KSR2: variants seen among roughly 807,000 people sequenced by gnomAD.
KSR2 encodes kinase suppressor of ras 2.
A neutral mutation model predicts 107.8 loss-of-function variants in KSR2; 25 were observed. The ratio of observed to expected loss-of-function variants is 0.23; its 90% CI spans 0.17 to 0.32. KSR2 has a LOEUF of 0.32. Ranked by LOEUF, KSR2 falls within the 10% of genes least tolerant of loss-of-function variation. KSR2 has a pLI of 1.00. For missense variants in KSR2, 887 were observed against 1,268.9 expected (o/e 0.70, Z 4.57); for synonymous variants, 480 against 507.0 (o/e 0.95, Z 0.71).
chr12:117,605,131 A>G (rs767277973), intron 5 of KSR2, among the ~76,000 whole-genome samples: 24 of 151,828 alleles, frequency 1.6e-4, no homozygotes, highest in Non-Finnish European at 3.2e-4. Context: ...CTCTCAGGGG[A>G]TTTTGGCCTC....
At chr12:117,712,389 C>T (rs1034039515) in intron 4 of KSR2, among the ~76,000 whole-genome samples, 11 of 152,266 alleles carry the variant, frequency 7.2e-5, no homozygotes, top group African/African-American at 2.6e-4. Flanking sequence ...AAAGACCACA[C>T]GTAGGAACAA....
chr12:117,485,570 T>C, intron 15 of KSR2, 25 bp downstream of exon 15: 1 of 1,582,972 alleles, frequency 6.3e-7, no homozygotes, highest in African/African-American at 1.3e-5. Context: ...GAGATTTAGA[T>C]AGGAGGCCCA....
rs1417050538 is a variant in KSR2, at chr12:117,558,488, T to C, written c.1393+18A>G. ...CACCTCACCCCTGCCCCTAGGGCAG[T>C]AAGTGTTAAATAGTTACCTCCTCGG... On this transcript the variant is annotated intron_variant, in intron 8 of 19. Coordinates refer to ENST00000339824, the MANE Select transcript of KSR2 (RefSeq NM_173598.6). The C allele has an allele frequency of 3.9e-5, 63 of 1,611,638 alleles. 1 individual carries two copies. The highest frequency in any genetic ancestry group is 5.3e-5 in the Non-Finnish European group (62 of 1,177,852).
intron 1 of KSR2, among the ~76,000 whole-genome samples, chr12:117,925,573 A>G (rs142157837): frequency 6.6e-6 from 1 of 152,336 alleles, no homozygotes; most frequent in African/African-American, 2.4e-5. Flanking sequence ...AGACAGTGGT[A>G]TTTTACATAA....
At chr12:117,859,638 G>T (rs1893221169) in intron 2 of KSR2, among the ~76,000 whole-genome samples, 2 of 151,440 alleles carry the variant, frequency 1.3e-5, no homozygotes, top group Admixed American at 1.3e-4. Context: ...TGTATTTTTT[G>T]TAGAGATGGA....
At chr12:117,851,371 T>C (rs1176024590) in intron 3 of KSR2, among the ~76,000 whole-genome samples, 2 of 152,152 alleles carry the variant, frequency 1.3e-5, no homozygotes, top group Non-Finnish European at 2.9e-5. Context: ...GGAGGACTGC[T>C]TGAACCCAGG....
At chr12:117,565,082 G>C (rs1878382789) in intron 7 of KSR2, among the ~76,000 whole-genome samples, 1 of 152,154 alleles carries the variant, frequency 6.6e-6, no homozygotes, top group African/African-American at 2.4e-5. Flanking sequence ...TTTCTTGAAA[G>C]ATGTGTCATG....
At chr12:117,727,667 T>A (rs924156876) in intron 4 of KSR2, among the ~76,000 whole-genome samples, 1 of 151,946 alleles carries the variant, frequency 6.6e-6, no homozygotes, top group Non-Finnish European at 1.5e-5. Context: ...CAAGGAAGGA[T>A]CTCCCCTATA....
chr12:117,632,937 T>C (rs779707530), intron 5 of KSR2, among the ~76,000 whole-genome samples: 81 of 152,212 alleles, frequency 5.3e-4, no homozygotes, highest in Non-Finnish European at 1.1e-3. Flanking sequence ...TCCAGTCCAC[T>C]GCTGATGGGC....
chr12:117,918,417 C>T (rs1384834573), intron 1 of KSR2, among the ~76,000 whole-genome samples: 1 of 152,178 alleles, frequency 6.6e-6, no homozygotes, highest in African/African-American at 2.4e-5. Flanking sequence ...TTCGAACTTC[C>T]TTGCCCCTAT....
At chr12:117,817,093 T>C (rs1393257640) in intron 3 of KSR2, among the ~76,000 whole-genome samples, 1 of 152,162 alleles carries the variant, frequency 6.6e-6, no homozygotes, top group Non-Finnish European at 1.5e-5. Context: ...GGAATATCCT[T>C]TTGCCAAATC....
At chr12:117,484,063 T>C (rs191914175) in intron 16 of KSR2, among the ~76,000 whole-genome samples, 2 of 152,360 alleles carry the variant, frequency 1.3e-5, no homozygotes, top group African/African-American at 4.8e-5. Context: ...ACTTAATTCC[T>C]AAGAAAACTT....
chr12:117,860,239 G>C (rs992227443), intron 2 of KSR2, 52 bp downstream of exon 2: 6 of 1,574,146 alleles, frequency 3.8e-6, no homozygotes, highest in Non-Finnish European at 5.2e-6. Context: ...GCAACACAGG[G>C]GGTAGCTGCT....
chr12:117,934,624 T>G (rs529761486), intron 1 of KSR2, among the ~76,000 whole-genome samples: 2 of 152,276 alleles, frequency 1.3e-5, no homozygotes, highest in South Asian at 4.1e-4. Flanking sequence ...TGAACCAGTT[T>G]GAGATAAGTT....
At chr12:117,878,504 G>T (rs2137312462) in intron 1 of KSR2, among the ~76,000 whole-genome samples, 1 of 152,246 alleles carries the variant, frequency 6.6e-6, no homozygotes, top group East Asian at 1.9e-4. Context: ...TTGGTGGCAG[G>T]TGCTGTACTA....
At chr12:117,484,994 G>A (rs1872383502) in intron 15 of KSR2, among the ~76,000 whole-genome samples, 1 of 152,218 alleles carries the variant, frequency 6.6e-6, no homozygotes, top group African/African-American at 2.4e-5. Context: ...AGAACACACA[G>A]AAGAGTCTAT....
chr12:117,947,198 A>AGAGAGAGAGAGAGAGAGAG lies in KSR2; in HGVS notation c.180+20877_180+20878insCTCTCTCTCTCTCTCTCTC, dbSNP rs1566094521. Among the ~76,000 whole-genome samples, 20 of 36,808 alleles carry AGAGAGAGAGAGAGAGAGAG rather than the reference A, an allele frequency of 5.4e-4. 1 individual carries two copies. The highest frequency in any genetic ancestry group is 3.0e-3 in the African/African-American group (20 of 6,604). 24.1% of individuals were successfully genotyped at this position (36,808 alleles called of 152,430 possible). ...AGAAAGAAAGAAAGAAAAGAAAGAA[A>AGAGAGAGAGAGAGAGAGAG]AGAAAGAAAAGAAAGAAAGAAAGAA... On this transcript the variant is annotated intron_variant, in intron 1 of 19. Transcript: ENST00000339824.
intron 14 of KSR2, among the ~76,000 whole-genome samples, chr12:117,493,357 G>C (rs1329414652): frequency 6.6e-6 from 1 of 152,106 alleles, no homozygotes; most frequent in African/African-American, 2.4e-5. Context: ...TCTGGATAGA[G>C]AGTCTCCCAG....
intron 5 of KSR2, among the ~76,000 whole-genome samples, chr12:117,620,936 T>A (rs1267118953): frequency 2.0e-5 from 3 of 152,144 alleles, no homozygotes; most frequent in Non-Finnish European, 4.4e-5. Context: ...GCCCCTTCCA[T>A]CTGTAAATTA....
Sources: gnomAD v4.1 joint callset for allele counts (sites outside exome capture counted in the v4.1 genomes callset) on GRCh38, gnomAD v4.1.1 for gene constraint, MANE v1.5 for transcripts, NCBI Gene and HGNC (gene_info 2026-07-23, HGNC 2026-07-21) for gene names.